The following EPSTI1 variants were observed in gnomAD, a reference collection of about 807,000 sequenced individuals.
EPSTI1 encodes epithelial-stromal interaction protein 1.
EPSTI1 carries 66 observed loss-of-function variants against 49.9 expected under a neutral mutation model. That is an observed-to-expected ratio of 1.32 (90% CI 1.08 to 1.62). The LOEUF is 1.62. EPSTI1 is among the 40% of genes most tolerant of loss of function. The pLI is 0.00. For missense variants in EPSTI1, 394 were observed against 365.5 expected (o/e 1.08, Z -0.64); for synonymous variants, 137 against 130.7 (o/e 1.05, Z -0.33).
At chr13:42,969,924 G>T (rs939388658) in intron 2 of EPSTI1, 4 of 152,308 alleles carry the variant, frequency 2.6e-5, no homozygotes, top group African/African-American at 9.6e-5. Flanking sequence ...TAAATCAAAA[G>T]CTTGTAAGAT....
intron 1 of EPSTI1, among the ~76,000 whole-genome samples, chr13:42,977,642 T>C (rs745671221): frequency 5.5e-4 from 84 of 152,242 alleles, no homozygotes; most frequent in Admixed American, 3.3e-3. Flanking sequence ...AGAAGCAGTC[T>C]GGTGCTCTGT....
chr13:42,892,675 C>A (rs1416586532), intron 10 of EPSTI1, among the ~76,000 whole-genome samples: 1 of 152,038 alleles, frequency 6.6e-6, no homozygotes, highest in African/African-American at 2.4e-5. Context: ...AGGAAGGGGT[C>A]TGGGCTGGAA....
intron 6 of EPSTI1, among the ~76,000 whole-genome samples, chr13:42,953,579 C>T (rs1392894442): frequency 6.6e-6 from 1 of 152,160 alleles, no homozygotes; most frequent in Non-Finnish European, 1.5e-5. Context: ...GGTCCTCAGT[C>T]CATCAGATAA....
At chr13:42,942,621 T>C (rs1384194738) in intron 6 of EPSTI1, among the ~76,000 whole-genome samples, 1 of 150,498 alleles carries the variant, frequency 6.6e-6, no homozygotes, top group African/African-American at 2.4e-5. Flanking sequence ...CTTCTAGTGC[T>C]AAAATCCTCC....
intron 1 of EPSTI1, among the ~76,000 whole-genome samples, chr13:42,975,657 C>A (rs2039866654): frequency 6.6e-6 from 1 of 152,106 alleles, no homozygotes; most frequent in African/African-American, 2.4e-5. Context: ...TGGAGGTAAT[C>A]CCACACTAAG....
chr13:42,931,683 G>T (rs2038379820), intron 6 of EPSTI1, among the ~76,000 whole-genome samples: 1 of 152,084 alleles, frequency 6.6e-6, no homozygotes, highest in Non-Finnish European at 1.5e-5. Flanking sequence ...CTTTAAGTGG[G>T]ATACTATATT....
intron 1 of EPSTI1, among the ~76,000 whole-genome samples, chr13:42,985,553 G>A (rs1431060326): frequency 1.3e-5 from 2 of 152,122 alleles, no homozygotes; most frequent in African/African-American, 2.4e-5. Flanking sequence ...TTCTATGAAA[G>A]GACCGAAGGA....
chr13:42,926,715 C>G (rs376701714), intron 6 of EPSTI1, among the ~76,000 whole-genome samples: 1 of 152,118 alleles, frequency 6.6e-6, no homozygotes, highest in Non-Finnish European at 1.5e-5. Flanking sequence ...AATACAAGTC[C>G]TCTCCCAGAG....
chr13:42,950,996 A>C (rs1417707717), intron 6 of EPSTI1, among the ~76,000 whole-genome samples: 1 of 152,098 alleles, frequency 6.6e-6, no homozygotes, highest in Non-Finnish European at 1.5e-5. Flanking sequence ...ATCTCTACTA[A>C]AAATATAAAA....
chr13:42,947,916 C>A (rs1339435109), intron 6 of EPSTI1, among the ~76,000 whole-genome samples: 1 of 152,240 alleles, frequency 6.6e-6, no homozygotes, highest in Non-Finnish European at 1.5e-5. Flanking sequence ...AGGCCTTGGT[C>A]CATTGTCATC....
chr13:42,971,881 T>G (rs1207356126), intron 1 of EPSTI1, among the ~76,000 whole-genome samples: 1 of 152,224 alleles, frequency 6.6e-6, no homozygotes, highest in African/African-American at 2.4e-5. Flanking sequence ...ACTTAATGTA[T>G]ATCAGCAGAC....
rs552161471 is a variant in EPSTI1, at chr13:42,937,166, C to T, written c.564-10737G>A. On this transcript the variant is annotated intron_variant, in intron 6 of 10. Coordinates refer to ENST00000313624, the MANE Select transcript of EPSTI1 (RefSeq NM_033255.5). ...ACTAGATTGTAGTCTCTTAGGTGTGCAATAGCATTATGTCTTGAAAAATGT... is the reference window on the plus strand; with the variant it reads ...ACTAGATTGTAGTCTCTTAGGTGTGTAATAGCATTATGTCTTGAAAAATGT... Among the ~76,000 whole-genome samples, 212 of 152,178 alleles carry T rather than the reference C, an allele frequency of 1.4e-3. 1 individual carries two copies. The highest frequency in any genetic ancestry group is 2.6e-3 in the Non-Finnish European group (180 of 68,006).
rs142243356 is a variant in EPSTI1 at position 42,930,988 on chromosome 13, C to T, written c.564-4559G>A. On this transcript the variant is annotated intron_variant, in intron 6 of 10. Coordinates refer to ENST00000313624, the MANE Select transcript of EPSTI1 (RefSeq NM_033255.5). ...GCTAGACTACGTTTCCCAGCTCCCA[C>T]GCAATTAGATGTGACATAGGAGCAT... Among the ~76,000 whole-genome samples the T allele has an allele frequency of 7.2e-5, 11 of 152,298 alleles. No homozygotes were observed. In the East Asian group the frequency reaches 1.4e-3, roughly 19 times the overall value.
intron 1 of EPSTI1, among the ~76,000 whole-genome samples, chr13:42,988,395 G>T (rs2040121763): frequency 6.6e-6 from 1 of 152,188 alleles, no homozygotes; most frequent in African/African-American, 2.4e-5. Flanking sequence ...AAGCCAGTAT[G>T]AATTAGTAAA....
rs2153419153 is a variant in EPSTI1, at chr13:42,919,543, C to T, written c.658-1919G>A. 2.6e-5 allele frequency among the ~76,000 whole-genome samples: 4 copies of T among 152,234 alleles called. 1 individual carries two copies. In the South Asian group the frequency reaches 8.3e-4, roughly 32 times the overall value. On this transcript the variant is annotated intron_variant, in intron 7 of 10. Transcript: ENST00000313624. ...GCTTATAATGTACTCATTCTATTAA[C>T]AGTGTTTAAGGCTCCTCTGTGCAAG... is the stretch of plus-strand genomic sequence containing the variant.
intron 8 of EPSTI1, among the ~76,000 whole-genome samples, chr13:42,907,140 CAGAG>C (rs1232814000): frequency 2.0e-5 from 3 of 152,152 alleles, no homozygotes; most frequent in Non-Finnish European, 4.4e-5. Context: ...ATCATTTTAA[CAGAG>C]AGAGAAATAA....
chr13:42,972,444 A>C (rs778284967), intron 1 of EPSTI1, among the ~76,000 whole-genome samples: 3 of 152,242 alleles, frequency 2.0e-5, no homozygotes, highest in Non-Finnish European at 4.4e-5. Context: ...TTTGGGATAA[A>C]AGAAAACTTA....
chr13:42,912,484 G>A (rs1317082343), intron 8 of EPSTI1, among the ~76,000 whole-genome samples: 1 of 152,146 alleles, frequency 6.6e-6, no homozygotes, highest in South Asian at 2.1e-4. Context: ...CAGAAGACAA[G>A]CTCCTACATA....
intron 6 of EPSTI1, among the ~76,000 whole-genome samples, chr13:42,946,000 C>T (rs2153426761): frequency 1.3e-5 from 2 of 152,246 alleles, no homozygotes; most frequent in Middle Eastern, 3.4e-3. Context: ...TTCTATTCAC[C>T]TTACCTGGAT....
Sources: allele counts gnomAD v4.1 joint callset (sites outside exome capture counted in the v4.1 genomes callset), GRCh38; gene constraint gnomAD v4.1.1; transcripts MANE v1.5; gene names NCBI Gene and HGNC (gene_info 2026-07-23, HGNC 2026-07-21).